KIF6: variants seen among roughly 807,000 people sequenced by gnomAD.
The protein encoded by KIF6 is kinesin-like protein KIF6.
In KIF6, 106 loss-of-function variants were observed where a neutral mutation model predicts 112.7. That is an observed-to-expected ratio of 0.94 (90% CI 0.80 to 1.11). KIF6 has a LOEUF of 1.11. KIF6 is among the 50% of genes least tolerant of loss of function. KIF6 has a pLI of 0.00. For synonymous variants in KIF6, 339 were observed against 339.9 expected, an observed-to-expected ratio of 1.00 and a Z score of 0.03; for missense variants, 929 against 964.0, an observed-to-expected ratio of 0.96 and a Z score of 0.48.
At chr6:39,578,245 G>A in intron 9 of KIF6, 86 bp from the exon 10 acceptor site, 2 of 855,428 alleles carry the variant, frequency 2.3e-6, no homozygotes, top group South Asian at 1.5e-5. Context: ...TTAAAATTAT[G>A]GACAATTTTA....
chr6:39,650,345 T>C (rs1785405912), intron 3 of KIF6, among the ~76,000 whole-genome samples: 1 of 152,116 alleles, frequency 6.6e-6, no homozygotes, highest in South Asian at 2.1e-4. Flanking sequence ...AGCTTAAGTC[T>C]GGTAAAAGAA....
chr6:39,605,869 ATTGAGCTCTTCCAATTTTTTCT>A (rs1181933020), intron 6 of KIF6, among the ~76,000 whole-genome samples: 2 of 152,094 alleles, frequency 1.3e-5, no homozygotes, highest in Non-Finnish European at 1.5e-5. Flanking sequence ...ATGTCTTGGA[ATTGAGCTCTTCCAATTTTTTCT>A]TTGAGCTCTT....
At position 39,721,770 on chromosome 6, in the gene KIF6, G is replaced by C. The variant is rs532715297; in HGVS notation, c.67-959C>G. Among the ~76,000 whole-genome samples the C allele has an allele frequency of 9.9e-4, 141 of 142,176 alleles. 1 individual carries two copies. Among genetic ancestry groups the C allele is most frequent in the African/African-American group, 3.3e-3 (129 of 38,576 alleles). The allele number at this position is 142,176 out of a possible 152,430, so 93.3% of individuals were successfully genotyped here. On this transcript the variant is annotated intron_variant, in intron 1 of 22. Coordinates refer to ENST00000287152, the MANE Select transcript of KIF6 (RefSeq NM_145027.6). ...ATGTAATGGAAATCACCATAAAATTGTAATGCACCATAAAAAAAAAAAGTC... is the reference window on the plus strand; with the variant it reads ...ATGTAATGGAAATCACCATAAAATTCTAATGCACCATAAAAAAAAAAAGTC...
chr6:39,393,273 G>T (rs1214141019), intron 15 of KIF6, among the ~76,000 whole-genome samples: 1 of 152,246 alleles, frequency 6.6e-6, no homozygotes, highest in Non-Finnish European at 1.5e-5. Context: ...CGTGGAGGGT[G>T]AGTGCGTGGA....
At chr6:39,550,203 T>TA (rs773259604) in intron 10 of KIF6, among the ~76,000 whole-genome samples, 1 of 152,174 alleles carries the variant, frequency 6.6e-6, no homozygotes, top group African/African-American at 2.4e-5. Flanking sequence ...ATAATCTTTG[T>TA]AAAAAAATAT....
chr6:39,594,127 T>C (rs935204171), intron 7 of KIF6, among the ~76,000 whole-genome samples: 1 of 151,918 alleles, frequency 6.6e-6, no homozygotes, highest in Admixed American at 6.6e-5. Flanking sequence ...CACGAGGCTG[T>C]CATTAAGAAT....
chr6:39,493,407 C>T (rs1775590863), intron 13 of KIF6, among the ~76,000 whole-genome samples: 1 of 152,176 alleles, frequency 6.6e-6, no homozygotes, highest in African/African-American at 2.4e-5. Flanking sequence ...CATTACATTC[C>T]TTCCTTCAAC....
At chr6:39,578,234 C>T (rs576329971) in intron 9 of KIF6, 75 bp from the exon 10 acceptor site, 5 of 944,132 alleles carry the variant, frequency 5.3e-6, no homozygotes, top group Admixed American at 1.8e-5. Context: ...ACATACAGCT[C>T]TTAAAATTAT....
intron 3 of KIF6, among the ~76,000 whole-genome samples, chr6:39,662,312 T>C (rs1352795324): frequency 2.0e-5 from 3 of 152,342 alleles, no homozygotes; most frequent in Non-Finnish European, 4.4e-5. Flanking sequence ...GTTAGGTTTG[T>C]AAGTCTGCCC....
intron 10 of KIF6, chr6:39,553,851 G>A (rs1474180017): frequency 2.0e-5 from 3 of 152,782 alleles, no homozygotes; most frequent in South Asian, 2.0e-4. Flanking sequence ...CTGCCCCTGG[G>A]GACCTTAAGT....
chr6:39,360,349 C>A (rs753814552), intron 18 of KIF6, 46 bp downstream of exon 18: 1 of 1,608,070 alleles, frequency 6.2e-7, no homozygotes, highest in Non-Finnish European at 8.5e-7. Flanking sequence ...AGTGGGGCTG[C>A]ATGACTGGCC....
rs1397022392 is a variant in KIF6, at chr6:39,343,708, C to G, written c.2428+1G>C. 3 of 1,603,160 alleles carry G rather than the reference C, an allele frequency of 1.9e-6. No homozygotes were observed. The highest frequency in any genetic ancestry group is 2.6e-6 in the Non-Finnish European group (3 of 1,174,734). ...GGAGCCACCGAGGGAGGTGCACTTA[C>G]ATTGCTTCTGCAGAATGCTCTGTCT... On this transcript the variant is annotated splice_donor_variant, in intron 22 of 22. Coordinates refer to ENST00000287152, the MANE Select transcript of KIF6 (RefSeq NM_145027.6). LOFTEE classifies it high-confidence loss of function. This position sits in a 1 kb window ranked among gnomAD's most constrained non-coding sequence, Gnocchi z 4.1.
intron 13 of KIF6, among the ~76,000 whole-genome samples, chr6:39,525,729 T>G (rs1039463053): frequency 1.3e-5 from 2 of 152,038 alleles, no homozygotes; most frequent in African/African-American, 2.4e-5. Flanking sequence ...GAGGCGTAAG[T>G]TGCAGTGAGC....
rs566633416 is a variant in KIF6, at chr6:39,609,944, C to T, written c.639+3245G>A. On this transcript the variant is annotated intron_variant, in intron 6 of 22. Transcript: ENST00000287152. The stretch of plus-strand genomic sequence containing the variant: ...CATCATTTAATTATCACAGGGTATT[C>T]TAACACAGGTTTTCCTAGGACCATA... Among the ~76,000 whole-genome samples the T allele has an allele frequency of 3.0e-3, 463 of 152,296 alleles. 3 individuals carry two copies. The highest frequency in any genetic ancestry group is 0.01 in the African/African-American group (436 of 41,564).
intron 13 of KIF6, among the ~76,000 whole-genome samples, chr6:39,523,713 A>T (rs1291267208): frequency 4.8e-5 from 6 of 126,296 alleles, no homozygotes; most frequent in Admixed American, 4.5e-4. Context: ...CTCTTTGAAG[A>T]TGTTGTTCAA....
At position 39,492,645 on chromosome 6, in the gene KIF6, C is replaced by T. The variant is rs2150478279; in HGVS notation, c.1645+47358G>A. The stretch of plus-strand genomic sequence containing the variant: ...CTGTGTCTCAGTGACTGTTGTGTGC[C>T]TCCCCCTTCCTCCTTTTTGTCTTTT... On this transcript the variant is annotated intron_variant, in intron 13 of 22. Transcript: ENST00000287152. Among the ~76,000 whole-genome samples the T allele has an allele frequency of 2.6e-5, 4 of 152,284 alleles. No homozygotes were observed. The Middle Eastern group carries it at 0.014, about 518-fold the overall frequency.
chr6:39,572,149 C>T (rs950328272), intron 10 of KIF6, among the ~76,000 whole-genome samples: 4 of 152,118 alleles, frequency 2.6e-5, no homozygotes, highest in African/African-American at 9.7e-5. Flanking sequence ...TCACCTTACA[C>T]ATAAGAAACC....
chr6:39,641,561 T>C (rs1409651277), intron 3 of KIF6, among the ~76,000 whole-genome samples: 1 of 151,762 alleles, frequency 6.6e-6, no homozygotes, highest in East Asian at 1.9e-4. Context: ...AGTTAATGGG[T>C]GCAGCACACC....
intron 7 of KIF6, among the ~76,000 whole-genome samples, chr6:39,590,429 G>C (rs5000187): frequency 1.0e-5 from 1 of 95,400 alleles, no homozygotes; most frequent in Non-Finnish European, 2.1e-5. Flanking sequence ...ATGTGTGTGT[G>C]TATATATATA....
Sources: gnomAD v4.1 joint callset for allele counts (sites outside exome capture counted in the v4.1 genomes callset) on GRCh38, gnomAD v4.1.1 for gene constraint, Gnocchi (gnomAD v3.1) non-coding constraint, MANE v1.5 for transcripts, NCBI Gene and HGNC (gene_info 2026-07-23, HGNC 2026-07-21) for gene names.